GLS: variants seen among roughly 807,000 people sequenced by gnomAD.
GLS encodes the protein glutaminase, also known as glutaminase kidney isoform, mitochondrial.
Under a neutral mutation model 86.7 loss-of-function variants are expected in GLS, and 36 were observed. The observed-to-expected ratio is 0.42, with a 90% CI of 0.32 to 0.55. The LOEUF is 0.55. Among genes scored for constraint, GLS ranks in the 20% least tolerant of loss-of-function variants. GLS has a pLI of 0.17. For synonymous variants in GLS, 317 were observed against 305.9 expected (o/e 1.04, Z -0.38); for missense variants, 528 against 833.4 (o/e 0.63, Z 4.51).
rs578071388 is a variant in GLS at position 190,964,655 on chromosome 2, T to C, written c.*1669T>C. The C allele has an allele frequency of 4.5e-4, 69 of 152,326 alleles. No individual in the cohort carries two copies. The highest frequency in any genetic ancestry group is 1.5e-3 in the African/African-American group (64 of 41,590). 9.4% of individuals were successfully genotyped at this position (152,326 alleles called of 1,614,324 possible). ...AGCTGTTCCCATGCTTGAGCTTCCA[T>C]GGGGAGGATGCTGAGTGAGCAGTTT... On this transcript the variant is annotated 3_prime_UTR_variant, in exon 18 of 18. Coordinates refer to ENST00000320717, the MANE Select transcript of GLS (RefSeq NM_014905.5). This position sits in a 1 kb window ranked among gnomAD's most constrained non-coding sequence, Gnocchi z 5.2.
Position 190,881,277 on chromosome 2 carries a change from G to A in GLS, c.193G>A (p.Ala65Thr). Residue 65 changes from alanine to threonine, a missense_variant, in exon 1 of 18, where the codon GCG becomes ACG. Coordinates refer to ENST00000320717, the MANE Select transcript of GLS (RefSeq NM_014905.5). Reference protein sequence around the residue: ...HPWWGGGGWPAEPLARGLSSS... With the variant: ...HPWWGGGGWPTEPLARGLSSS... ...GTGGTGGGGCGGGGGCGGCTGGCCG[G>A]CGGAGCCCCTCGCGCGGGGCCTGTC... The A allele has an allele frequency of 7.6e-7, 1 of 1,324,436 alleles. No individual in the cohort carries two copies. Among genetic ancestry groups the A allele is most frequent in the Non-Finnish European group, 9.7e-7 (1 of 1,034,042 alleles). The allele number at this position is 1,324,436 out of a possible 1,614,324, so 82.0% of individuals were successfully genotyped here.
chr2:190,894,534 CACA>C (rs1229512753), intron 1 of GLS, among the ~76,000 whole-genome samples: 3 of 152,108 alleles, frequency 2.0e-5, no homozygotes, highest in African/African-American at 4.8e-5. Context: ...TGATCCTCAC[CACA>C]ACCCTATGAG....
intron 7 of GLS, among the ~76,000 whole-genome samples, chr2:190,918,407 C>T (rs998357135): frequency 6.6e-6 from 1 of 152,126 alleles, no homozygotes; most frequent in South Asian, 2.1e-4. Context: ...AACCCTTTTC[C>T]GCAGCTTCCT....
chr2:190,955,126 TA>T lies in GLS; in HGVS notation c.1853+318del, dbSNP rs578050820. Among the ~76,000 whole-genome samples, 436 of 151,042 alleles carry T rather than the reference TA, an allele frequency of 2.9e-3. 3 individuals are homozygous for T. The highest frequency in any genetic ancestry group is 4.7e-3 in the Non-Finnish European group (320 of 67,734). On this transcript the variant is annotated intron_variant, in intron 17 of 17. Coordinates refer to ENST00000320717, the MANE Select transcript of GLS (RefSeq NM_014905.5). The surrounding 1 kb of genome is among the most constrained non-coding windows in gnomAD (Gnocchi z 5.6). ...ATTGGAATTTTATCCTCATGGATTTTAAAAAAAAAATTTTTAAATTACACTT... is the reference window on the plus strand; with the variant it reads ...ATTGGAATTTTATCCTCATGGATTTTAAAAAAAAATTTTTAAATTACACTT...
intron 9 of GLS, among the ~76,000 whole-genome samples, chr2:190,923,467 C>T (rs1210547856): frequency 6.6e-6 from 1 of 152,142 alleles, no homozygotes; most frequent in Non-Finnish European, 1.5e-5. Context: ...ATCTATTAGT[C>T]CATTGAGTCC....
chr2:190,931,541 A>G lies in GLS; in HGVS notation c.1558-4A>G. 1 of 1,427,438 alleles carries G rather than the reference A, an allele frequency of 7.0e-7. No individual in the cohort carries two copies. Among genetic ancestry groups the G allele is most frequent in the Non-Finnish European group, 9.8e-7 (1 of 1,017,814 alleles). The allele number at this position is 1,427,438 out of a possible 1,614,324, so 88.4% of individuals were successfully genotyped here. A position where few individuals can be genotyped will look rare whatever the true frequency, so the allele number is the denominator to read the frequency against. ...TTATACCTGCTCTGTATAACTGTTT[A>G]CAGGATCTTGTTTCTCTGTGTAATT... On this transcript the variant is annotated splice_polypyrimidine_tract_variant and splice_region_variant and intron_variant, in intron 13 of 17. Transcript: ENST00000320717.
At position 190,956,133 on chromosome 2, in the gene GLS, C is replaced by T. The variant is rs1690856071; in HGVS notation, c.1853+1315C>T. The stretch of plus-strand genomic sequence containing the variant: ...AGAAGCTCTTTAGTTTAATTAGATC[C>T]CATTTATCAATTTTGGCTTTTGTTG... On this transcript the variant is annotated intron_variant, in intron 17 of 17. Coordinates refer to ENST00000320717, the MANE Select transcript of GLS (RefSeq NM_014905.5). The surrounding 1 kb of genome is among the most constrained non-coding windows in gnomAD (Gnocchi z 4.2). 6.6e-6 allele frequency among the ~76,000 whole-genome samples: 1 copy of T among 152,110 alleles called. No individual in the cohort carries two copies. The highest frequency in any genetic ancestry group is 2.4e-5 in the African/African-American group (1 of 41,402).
At chr2:190,910,755 A>T (rs1191273461) in intron 7 of GLS, among the ~76,000 whole-genome samples, 1 of 151,872 alleles carries the variant, frequency 6.6e-6, no homozygotes, top group Non-Finnish European at 1.5e-5. Flanking sequence ...ACTTAAGACA[A>T]AGTACATTTA....
At chr2:190,957,088 C>CCTGT in intron 17 of GLS, among the ~76,000 whole-genome samples, 1 of 151,934 alleles carries the variant, frequency 6.6e-6, no homozygotes, top group African/African-American at 2.4e-5. Context: ...TATTTGAATA[C>CCTGT]CTTTCTTTCT....
rs1471729895 is a variant in GLS, at chr2:190,895,527, A to G, written c.484-77A>G. On this transcript the variant is annotated intron_variant, in intron 2 of 17. Transcript: ENST00000320717. This position sits in a 1 kb window ranked among gnomAD's most constrained non-coding sequence, Gnocchi z 4.2. ...TGGGTAGAAGTTTTTATATACAGGA[A>G]TAAAATCTTATAGTTGGTATAAGCA... is the stretch of plus-strand genomic sequence containing the variant. 1.9e-6 allele frequency: 2 copies of G among 1,051,568 alleles called. No individual in the cohort carries two copies. Among genetic ancestry groups the G allele is most frequent in the Non-Finnish European group, 2.8e-6 (2 of 724,106 alleles). The allele number at this position is 1,051,568 out of a possible 1,614,324, so 65.1% of individuals were successfully genotyped here. A position where few individuals can be genotyped will look rare whatever the true frequency, so the allele number is the denominator to read the frequency against.
chr2:190,881,661 C>T (rs909852421), intron 1 of GLS, 191 bp downstream of exon 1: 6 of 542,242 alleles, frequency 1.1e-5, no homozygotes, highest in African/African-American at 1.0e-4. Context: ...CCGCCCGCAA[C>T]CCTCCGCCAG....
At position 190,895,065 on chromosome 2, in the gene GLS, T is replaced by A; in HGVS notation, c.387-87T>A. On this transcript the variant is annotated intron_variant, in intron 1 of 17. Coordinates refer to ENST00000320717, the MANE Select transcript of GLS (RefSeq NM_014905.5). The surrounding 1 kb of genome is among the most constrained non-coding windows in gnomAD (Gnocchi z 4.2). ...TATATGAGCTCAGCTGTAGTCTAGTTTAGTGGTTATTTAACAATGGATTTA... is the reference window on the plus strand; with the variant it reads ...TATATGAGCTCAGCTGTAGTCTAGTATAGTGGTTATTTAACAATGGATTTA... The A allele has an allele frequency of 1.5e-6, 1 of 656,980 alleles. No homozygotes were observed. The highest frequency in any genetic ancestry group is 2.8e-6 in the Non-Finnish European group (1 of 358,868). The allele number at this position is 656,980 out of a possible 1,614,324, so 40.7% of individuals were successfully genotyped here. A position where few individuals can be genotyped will look rare whatever the true frequency, so the allele number is the denominator to read the frequency against.
At chr2:190,916,059 G>A (rs937294707) in intron 7 of GLS, among the ~76,000 whole-genome samples, 6 of 152,100 alleles carry the variant, frequency 3.9e-5, no homozygotes, top group Non-Finnish European at 2.9e-5. Context: ...TCACACCTCT[G>A]TAAAAATTAA....
intron 12 of GLS, among the ~76,000 whole-genome samples, chr2:190,928,283 C>CAA (rs1689965400): frequency 6.6e-6 from 1 of 150,732 alleles, no homozygotes; most frequent in South Asian, 2.1e-4. Context: ...AATTGAATAT[C>CAA]AAAATATTTA....
chr2:190,881,255 G>GTGGGGC lies in GLS; in HGVS notation c.172_177dup (p.Trp58_Gly59dup). 1 of 1,276,038 alleles carries GTGGGGC rather than the reference G, an allele frequency of 7.8e-7. No individual in the cohort carries two copies. The highest frequency in any genetic ancestry group is 9.9e-7 in the Non-Finnish European group (1 of 1,013,132). 79.0% of individuals were successfully genotyped at this position (1,276,038 alleles called of 1,614,324 possible). A position where few individuals can be genotyped will look rare whatever the true frequency, so the allele number is the denominator to read the frequency against. On this transcript the variant is annotated inframe_insertion, in exon 1 of 18. Transcript: ENST00000320717. ...CTGCCGCCGCGCGACTCCACCCGTGGTGGGGCGGGGGCGGCTGGCCGGCGG... is the reference window on the plus strand; with the variant it reads ...CTGCCGCCGCGCGACTCCACCCGTGGTGGGGCTGGGGCGGGGGCGGCTGGCCGGCGG...
chr2:190,921,010 T>A lies in GLS; in HGVS notation c.1039-14T>A, dbSNP rs552716595. On this transcript the variant is annotated splice_polypyrimidine_tract_variant and intron_variant, in intron 7 of 17. Transcript: ENST00000320717. The surrounding 1 kb of genome is among the most constrained non-coding windows in gnomAD (Gnocchi z 4.2). ...ACCTATATTAACGTATTTATGTCTCTTATTTTTTTGCAGCAAGGAGTAAAT... is the reference window on the plus strand; with the variant it reads ...ACCTATATTAACGTATTTATGTCTCATATTTTTTTGCAGCAAGGAGTAAAT... 7.5e-6 allele frequency: 11 copies of A among 1,464,496 alleles called. No homozygotes were observed. The East Asian group carries it at 2.0e-4, about 27-fold the overall frequency. 90.7% of individuals were successfully genotyped at this position (1,464,496 alleles called of 1,614,324 possible).
chr2:190,941,794 T>A (rs779239075), intron 14 of GLS, among the ~76,000 whole-genome samples: 4 of 152,116 alleles, frequency 2.6e-5, no homozygotes, highest in Non-Finnish European at 5.9e-5. Flanking sequence ...TGTGGATGAC[T>A]CCTAAGAGAT....
At chr2:190,934,258 T>A in intron 14 of GLS, 3 of 955,004 alleles carry the variant, frequency 3.1e-6, no homozygotes, top group Non-Finnish European at 3.7e-6. Flanking sequence ...CACTGAGTAT[T>A]TTAGATACTA....
intron 14 of GLS, among the ~76,000 whole-genome samples, chr2:190,936,154 CT>C (rs891136518): frequency 4.0e-5 from 6 of 150,768 alleles, no homozygotes; most frequent in Non-Finnish European, 6.0e-5. Context: ...TGATTACTTG[CT>C]TTTAAAGATT....
Sources: gnomAD v4.1 joint callset for allele counts (sites outside exome capture counted in the v4.1 genomes callset) on GRCh38, gnomAD v4.1.1 for gene constraint, Gnocchi (gnomAD v3.1) non-coding constraint, MANE v1.5 for transcripts, NCBI Gene and HGNC (gene_info 2026-07-23, HGNC 2026-07-21) for gene names.